Variants in ZNF367 observed in about 807,000 individuals in gnomAD.
ZNF367 encodes C2H2 zinc finger protein ZFF29.
In ZNF367, 11 loss-of-function variants were observed where a neutral mutation model predicts 31.8. That is an observed-to-expected ratio of 0.35 (90% CI 0.22 to 0.57). ZNF367 has a LOEUF of 0.57. ZNF367 is among the 20% of genes least tolerant of loss of function. The pLI is 0.85. For missense variants in ZNF367, 353 were observed against 484.1 expected (o/e 0.73, Z 2.54); for synonymous variants, 199 against 202.4 (o/e 0.98, Z 0.14).
chr9:96,406,650 A>C (rs1342533540), intron 1 of ZNF367, among the ~76,000 whole-genome samples: 1 of 152,164 alleles, frequency 6.6e-6, no homozygotes, highest in Non-Finnish European at 1.5e-5. Context: ...TAACTGAAGA[A>C]ATATGTTTTA....
intron 1 of ZNF367, among the ~76,000 whole-genome samples, chr9:96,415,314 G>T (rs1280281778): frequency 6.8e-6 from 1 of 147,988 alleles, no homozygotes; most frequent in African/African-American, 2.5e-5. Flanking sequence ...TGATCCGCCT[G>T]CCTCGGTGTC....
intron 1 of ZNF367, among the ~76,000 whole-genome samples, chr9:96,415,623 A>G (rs1400016128): frequency 6.8e-6 from 1 of 146,752 alleles, no homozygotes; most frequent in African/African-American, 2.5e-5. Flanking sequence ...TTAGCCTCCC[A>G]AGTAGCTGGG....
Position 96,417,879 on chromosome 9 carries a change from G to A in ZNF367, c.154C>T (p.Pro52Ser). 1 of 1,516,746 alleles carries A rather than the reference G, an allele frequency of 6.6e-7. No homozygotes were observed. The highest frequency in any genetic ancestry group is 8.8e-7 in the Non-Finnish European group (1 of 1,141,510). 94.0% of individuals were successfully genotyped at this position (1,516,746 alleles called of 1,614,324 possible). A position where few individuals can be genotyped will look rare whatever the true frequency, so the allele number is the denominator to read the frequency against. ...PTCGGGGEPEPPPPLIPTSPG... is the reference protein window; with the variant it reads ...PTCGGGGEPESPPPLIPTSPG... ...CTGGTGGGGATGAGCGGCGGCGGCGGCTCCGGCTCCCCTCCACCGCCGCAC... is the reference window on the plus strand; with the variant it reads ...CTGGTGGGGATGAGCGGCGGCGGCGACTCCGGCTCCCCTCCACCGCCGCAC... The change falls in exon 1 of 5, where the codon CCG becomes TCG. Residue 52 changes from proline (P) to serine (S), a missense_variant. By Grantham distance (74) the Pro-to-Ser change is moderately conservative (BLOSUM62 -1). Transcript: ENST00000375256. This position sits in a 1 kb window ranked among gnomAD's most constrained non-coding sequence, Gnocchi z 5.0.
At chr9:96,405,747 C>A (rs1831664792) in intron 1 of ZNF367, among the ~76,000 whole-genome samples, 1 of 152,048 alleles carries the variant, frequency 6.6e-6, no homozygotes, top group Non-Finnish European at 1.5e-5. Context: ...ATAGGTAAAT[C>A]CATAGAGACA....
At chr9:96,397,820 G>A (rs112483921) in intron 2 of ZNF367, among the ~76,000 whole-genome samples, 12,795 of 151,670 alleles carry the variant, frequency 0.084, 607 homozygotes, top group East Asian at 0.22. Flanking sequence ...GGCCAGGCGC[G>A]GTGGCTCACG....
intron 1 of ZNF367, among the ~76,000 whole-genome samples, chr9:96,415,221 A>ATTT (rs775576212): frequency 1.8e-4 from 23 of 128,890 alleles, no homozygotes; most frequent in African/African-American, 6.1e-4. Flanking sequence ...CCCCTGGCCA[A>ATTT]TTTTTTTTTT....
At chr9:96,392,291 T>C in intron 4 of ZNF367, 107 bp downstream of exon 4, 1 of 1,511,346 alleles carries the variant, frequency 6.6e-7, no homozygotes, top group Non-Finnish European at 9.1e-7. Flanking sequence ...TGTTATAAAA[T>C]GTGTATAAAT....
intron 1 of ZNF367, among the ~76,000 whole-genome samples, chr9:96,408,892 G>C (rs532068612): frequency 6.6e-6 from 1 of 152,300 alleles, no homozygotes; most frequent in South Asian, 2.1e-4. Flanking sequence ...TAAAATGTGA[G>C]TGAAAATAGC....
intron 1 of ZNF367, among the ~76,000 whole-genome samples, chr9:96,405,768 T>G (rs1006935525): frequency 6.6e-6 from 1 of 152,216 alleles, no homozygotes; most frequent in Non-Finnish European, 1.5e-5. Context: ...GAAAGTAGGT[T>G]GTTGGTTTCC....
chr9:96,408,497 A>T (rs1831700388), intron 1 of ZNF367, among the ~76,000 whole-genome samples: 1 of 152,232 alleles, frequency 6.6e-6, no homozygotes, highest in African/African-American at 2.4e-5. Flanking sequence ...CCTTTAGGAA[A>T]TTATGCTAAG....
At chr9:96,397,857 C>T (rs377015690) in intron 2 of ZNF367, among the ~76,000 whole-genome samples, 12 of 151,852 alleles carry the variant, frequency 7.9e-5, no homozygotes, top group African/African-American at 2.4e-4. Flanking sequence ...TTTGGGAGGC[C>T]GAGGCAGGCG....
rs1332072569 is a variant in ZNF367, at chr9:96,386,984, T to C, written c.*1253A>G. On this transcript the variant is annotated 3_prime_UTR_variant, in exon 5 of 5. Coordinates refer to ENST00000375256, the MANE Select transcript of ZNF367 (RefSeq NM_153695.4). ...CTGTTTAGAACAAAAGCCAAAATGA[T>C]GGAAGTTTTGCCTACATAAAGGAGG... 1 of 152,228 alleles carries C rather than the reference T, an allele frequency of 6.6e-6. No homozygotes were observed. The highest frequency in any genetic ancestry group is 1.5e-5 in the Non-Finnish European group (1 of 68,038). The allele number at this position is 152,228 out of a possible 1,614,324, so 9.4% of individuals were successfully genotyped here.
At chr9:96,405,060 G>A (rs771200721) in intron 1 of ZNF367, among the ~76,000 whole-genome samples, 2 of 152,046 alleles carry the variant, frequency 1.3e-5, no homozygotes, top group South Asian at 2.1e-4. Flanking sequence ...AGTGTATCAC[G>A]CCTGTAATCC....
In ZNF367 at chr9:96,398,801, G is replaced by A. The variant is rs571422911; in HGVS notation, c.421-487C>T. On this transcript the variant is annotated intron_variant, in intron 1 of 4. Transcript: ENST00000375256. Reference sequence around the variant, plus strand: ...GACAGCAGCCTGCATTCTCAGTCTGGGAACCTACTCCTTTAGTCCCTGCTT... The same window carrying A: ...GACAGCAGCCTGCATTCTCAGTCTGAGAACCTACTCCTTTAGTCCCTGCTT... Among the ~76,000 whole-genome samples the A allele has an allele frequency of 1.7e-3, 263 of 152,256 alleles. 2 individuals are homozygous for A. The highest frequency in any genetic ancestry group is 6.8e-3 in the Middle Eastern group (2 of 294).
rs960580695 is a variant in ZNF367 at position 96,417,312 on chromosome 9, C to T, written c.420+301G>A. Among the ~76,000 whole-genome samples the T allele has an allele frequency of 3.9e-5, 6 of 152,150 alleles. No homozygotes were observed. Among genetic ancestry groups the T allele is most frequent in the African/African-American group, 7.2e-5 (3 of 41,446 alleles). Reference sequence around the variant, plus strand: ...TTTCCTCTCGGAACTGAGGACTCGGCAGCCCGCCGGGAGGATGTCAGTGGC... The same window carrying T: ...TTTCCTCTCGGAACTGAGGACTCGGTAGCCCGCCGGGAGGATGTCAGTGGC... On this transcript the variant is annotated intron_variant, in intron 1 of 4. Coordinates refer to ENST00000375256, the MANE Select transcript of ZNF367 (RefSeq NM_153695.4). The surrounding 1 kb of genome is among the most constrained non-coding windows in gnomAD (Gnocchi z 5.0).
intron 1 of ZNF367, among the ~76,000 whole-genome samples, chr9:96,402,555 C>T (rs1232472018): frequency 6.9e-6 from 1 of 144,098 alleles, no homozygotes; most frequent in African/African-American, 2.6e-5. Flanking sequence ...CAGGTTCAAG[C>T]GATTCTCCTG....
intron 1 of ZNF367, among the ~76,000 whole-genome samples, chr9:96,400,457 T>C (rs1196236361): frequency 7.9e-6 from 1 of 127,368 alleles, no homozygotes; most frequent in Non-Finnish European, 1.7e-5. Flanking sequence ...AGGAGAACAA[T>C]GTCTCAACAA....
At chr9:96,389,737 T>G (rs1379040508) in intron 4 of ZNF367, among the ~76,000 whole-genome samples, 1 of 149,292 alleles carries the variant, frequency 6.7e-6, no homozygotes, top group African/African-American at 2.6e-5. Flanking sequence ...TTTATTTTTA[T>G]TTTATTTTTC....
chr9:96,407,884 G>T (rs560667368), intron 1 of ZNF367: 2 of 485,956 alleles, frequency 4.1e-6, no homozygotes, highest in African/African-American at 4.0e-5. Context: ...GGAATTACAG[G>T]CATGAGCCAC....
Sources: allele counts gnomAD v4.1 joint callset (sites outside exome capture counted in the v4.1 genomes callset), GRCh38; gene constraint gnomAD v4.1.1; non-coding constraint Gnocchi (gnomAD v3.1); transcripts MANE v1.5; gene names NCBI Gene and HGNC (gene_info 2026-07-23, HGNC 2026-07-21).